Variants in MCC observed in about 807,000 individuals in gnomAD.
The protein encoded by MCC is colorectal mutant cancer protein.
MCC carries 90 observed loss-of-function variants against 116.2 expected under a neutral mutation model. That is an observed-to-expected ratio of 0.77 (90% CI 0.65 to 0.92). The LOEUF (loss-of-function observed/expected upper bound fraction) is 0.92, where lower values mean the gene tolerates loss of function less well. MCC is among the 40% of genes least tolerant of loss of function. The pLI is 0.00. For missense variants in MCC, 1,516 were observed against 1,312.2 expected, an observed-to-expected ratio of 1.16 and a Z score of -2.40; for synonymous variants, 578 against 510.5, an observed-to-expected ratio of 1.13 and a Z score of -1.78.
chr5:113,022,437 A>G lies in MCC; in HGVS notation c.*4865T>C, dbSNP rs995317474. 1 of 152,678 alleles carries G rather than the reference A, an allele frequency of 6.5e-6. No homozygotes were observed. Among genetic ancestry groups the G allele is most frequent in the Non-Finnish European group, 1.5e-5 (1 of 68,046 alleles). The allele number at this position is 152,678 out of a possible 1,614,324, so 9.5% of individuals were successfully genotyped here. A position where few individuals can be genotyped will look rare whatever the true frequency, so the allele number is the denominator to read the frequency against. ...AAGCAGGTTTTTCTAATTCAAGTGT[A>G]TAGCACATATTCAAATAATAGGAAA... On this transcript the variant is annotated 3_prime_UTR_variant, in exon 19 of 19. Coordinates refer to ENST00000408903, the MANE Select transcript of MCC (RefSeq NM_001085377.2).
intron 3 of MCC, among the ~76,000 whole-genome samples, chr5:113,286,103 C>T (rs72788643): frequency 0.04 from 6,142 of 152,322 alleles, 180 homozygotes; most frequent in Non-Finnish European, 0.062. Context: ...CAACTTTACT[C>T]TGTCTCTGCC....
intron 3 of MCC, among the ~76,000 whole-genome samples, chr5:113,216,125 C>A (rs1035496607): frequency 6.6e-6 from 1 of 152,118 alleles, no homozygotes; most frequent in African/African-American, 2.4e-5. Flanking sequence ...TTACATAGTG[C>A]CTATGGTTGC....
At chr5:113,454,565 CA>C (rs1483314033) in intron 1 of MCC, among the ~76,000 whole-genome samples, 1 of 152,156 alleles carries the variant, frequency 6.6e-6, no homozygotes, top group African/African-American at 2.4e-5. Context: ...AATATCTTAA[CA>C]ATGTTAACAG....
At chr5:113,463,520 C>G (rs1205799078) in intron 1 of MCC, among the ~76,000 whole-genome samples, 1 of 152,146 alleles carries the variant, frequency 6.6e-6, no homozygotes, top group East Asian at 1.9e-4. Flanking sequence ...AAGGAGAGCT[C>G]AAGGATCTTT....
chr5:113,085,639 G>A (rs1755157909), intron 8 of MCC, among the ~76,000 whole-genome samples: 2 of 152,096 alleles, frequency 1.3e-5, no homozygotes, highest in African/African-American at 4.8e-5. Context: ...ACAAGCATGA[G>A]GTGAACATAT....
At chr5:113,470,606 C>T (rs1009116729) in intron 1 of MCC, among the ~76,000 whole-genome samples, 4 of 152,204 alleles carry the variant, frequency 2.6e-5, no homozygotes, top group African/African-American at 7.2e-5. Flanking sequence ...CCTCTGGCTG[C>T]CCTTAACATT....
At chr5:113,417,484 C>T (rs1304722044) in intron 1 of MCC, among the ~76,000 whole-genome samples, 1 of 152,174 alleles carries the variant, frequency 6.6e-6, no homozygotes, top group African/African-American at 2.4e-5. Context: ...TGCACCAGTG[C>T]AGCAAAGGAG....
At chr5:113,084,956 C>T (rs1390677738) in intron 9 of MCC, among the ~76,000 whole-genome samples, 2 of 152,228 alleles carry the variant, frequency 1.3e-5, no homozygotes, top group East Asian at 1.9e-4. Context: ...TGAGAGCTGG[C>T]GTCCAGGTTG....
chr5:113,070,776 T>C (rs936739220), intron 12 of MCC, among the ~76,000 whole-genome samples: 4 of 152,200 alleles, frequency 2.6e-5, no homozygotes, highest in Admixed American at 6.5e-5. Flanking sequence ...ACTAGATTTA[T>C]AACAATGTAA....
At chr5:113,032,947 T>C (rs1751060695) in intron 17 of MCC, among the ~76,000 whole-genome samples, 3 of 152,214 alleles carry the variant, frequency 2.0e-5, no homozygotes, top group Admixed American at 1.3e-4. Context: ...GAGGTATGAA[T>C]AATCCACCCT....
intron 3 of MCC, among the ~76,000 whole-genome samples, chr5:113,270,707 A>C (rs757879398): frequency 6.7e-6 from 1 of 149,414 alleles, no homozygotes; most frequent in South Asian, 2.2e-4. Context: ...TTCCACTTAG[A>C]AAGTTGAGAA....
At chr5:113,291,285 G>C (rs1029098834) in intron 3 of MCC, among the ~76,000 whole-genome samples, 2 of 152,136 alleles carry the variant, frequency 1.3e-5, no homozygotes, top group Non-Finnish European at 2.9e-5. Context: ...AAGCATTCCT[G>C]GAGTACTAGG....
intron 17 of MCC, among the ~76,000 whole-genome samples, chr5:113,037,765 G>C (rs952125340): frequency 2.0e-5 from 3 of 152,194 alleles, no homozygotes; most frequent in Non-Finnish European, 4.4e-5. Context: ...GAAGCTTCAA[G>C]ATGGTAAGCA....
At chr5:113,411,895 A>G (rs1032389782) in intron 1 of MCC, among the ~76,000 whole-genome samples, 2 of 152,098 alleles carry the variant, frequency 1.3e-5, no homozygotes, top group Admixed American at 1.3e-4. Context: ...TAGGGTTTTT[A>G]TAGTTTTTGG....
intron 3 of MCC, among the ~76,000 whole-genome samples, chr5:113,321,359 T>G (rs1378455524): frequency 6.6e-6 from 1 of 152,218 alleles, no homozygotes; most frequent in Non-Finnish European, 1.5e-5. Context: ...AATTTTTAGA[T>G]CTTGGTTTCT....
chr5:113,225,651 A>G lies in MCC; in HGVS notation c.628-74229T>C, dbSNP rs74858151. Among the ~76,000 whole-genome samples the G allele has an allele frequency of 5.3e-5, 8 of 152,196 alleles. No individual in the cohort carries two copies. The East Asian group carries it at 1.5e-3, about 29-fold the overall frequency. On this transcript the variant is annotated intron_variant, in intron 3 of 18. Transcript: ENST00000408903. ...TCTAACACAATTACAGTAAGAGGAT[A>G]AGAATCACTACCCAGGAAACCTATA...
At chr5:113,351,036 T>A (rs1581419693) in intron 2 of MCC, among the ~76,000 whole-genome samples, 5 of 151,980 alleles carry the variant, frequency 3.3e-5, no homozygotes, top group Admixed American at 3.3e-4. Context: ...CAGGCAATAA[T>A]AAACACTAGT....
Position 113,066,214 on chromosome 5 carries a change from T to C in MCC, c.2029+1866A>G, listed in dbSNP as rs182208706. Among the ~76,000 whole-genome samples, 953 of 152,316 alleles carry C rather than the reference T, an allele frequency of 6.3e-3. 6 individuals are homozygous for C. Among genetic ancestry groups the C allele is most frequent in the South Asian group, 0.023 (109 of 4,830 alleles). On this transcript the variant is annotated intron_variant, in intron 13 of 18. Transcript: ENST00000408903. ...CAAATAACTGCACTGAGTAGGTACA[T>C]GCCTAATGAAAGGTACCTTGTGAGG...
chr5:113,046,713 A>AGC (rs1752115148), intron 16 of MCC, among the ~76,000 whole-genome samples: 1 of 140,532 alleles, frequency 7.1e-6, no homozygotes, highest in Non-Finnish European at 1.5e-5. Flanking sequence ...AAAAAAAAAG[A>AGC]GAGAGATTTT....
Sources: allele counts gnomAD v4.1 joint callset (sites outside exome capture counted in the v4.1 genomes callset), GRCh38; gene constraint gnomAD v4.1.1; transcripts MANE v1.5; gene names NCBI Gene and HGNC (gene_info 2026-07-23, HGNC 2026-07-21).